KSR2: variants seen among roughly 807,000 people sequenced by gnomAD.
The protein encoded by KSR2 is kinase suppressor of ras 2.
A neutral mutation model predicts 107.8 loss-of-function variants in KSR2; 25 were observed. The observed-to-expected ratio is 0.23, with a 90% confidence interval of 0.17 to 0.32. The LOEUF is 0.32. Ranked by LOEUF, KSR2 falls within the 10% of genes least tolerant of loss-of-function variation. The probability of loss-of-function intolerance (pLI) is 1.00; values close to 1 mark genes in which losing one functional copy is unlikely to be tolerated. For missense variants in KSR2, 887 were observed against 1,268.9 expected, an observed-to-expected ratio of 0.70 and a Z score of 4.57; for synonymous variants, 480 against 507.0, an observed-to-expected ratio of 0.95 and a Z score of 0.71.
At chr12:117,787,958 A>G (rs1328411360) in intron 3 of KSR2, among the ~76,000 whole-genome samples, 1 of 152,228 alleles carries the variant, frequency 6.6e-6, no homozygotes, top group Non-Finnish European at 1.5e-5. Context: ...GGAAATAAGC[A>G]ATTTTAAAGA....
At chr12:117,663,880 C>T (rs16947853) in intron 5 of KSR2, among the ~76,000 whole-genome samples, 29,816 of 152,114 alleles carry the variant, frequency 0.2, 3,191 homozygotes, top group African/African-American at 0.25. Context: ...AGATGATCCA[C>T]TGGTGAAGAG....
At chr12:117,794,848 A>ACCTCT (rs1890565604) in intron 3 of KSR2, among the ~76,000 whole-genome samples, 1 of 151,432 alleles carries the variant, frequency 6.6e-6, no homozygotes, top group Admixed American at 6.6e-5. Flanking sequence ...CCTCGCTACG[A>ACCTCT]CCCATCACTC....
chr12:117,593,267 A>T (rs1343665183), intron 5 of KSR2, among the ~76,000 whole-genome samples: 1 of 152,244 alleles, frequency 6.6e-6, no homozygotes, highest in Non-Finnish European at 1.5e-5. Context: ...CCACACTGCC[A>T]TCACCACAAA....
chr12:117,785,320 C>T, intron 3 of KSR2, among the ~76,000 whole-genome samples: 1 of 139,480 alleles, frequency 7.2e-6, no homozygotes, highest in South Asian at 2.3e-4. Flanking sequence ...GAGGTTAAGA[C>T]AGGAGAATTG....
chr12:117,616,832 G>C (rs1363443160), intron 5 of KSR2, among the ~76,000 whole-genome samples: 1 of 152,042 alleles, frequency 6.6e-6, no homozygotes, highest in Non-Finnish European at 1.5e-5. Flanking sequence ...GAAATATCTG[G>C]CAATTCTTGG....
intron 1 of KSR2, among the ~76,000 whole-genome samples, chr12:117,951,208 G>T (rs1896356111): frequency 6.6e-6 from 1 of 152,078 alleles, no homozygotes; most frequent in Non-Finnish European, 1.5e-5. Flanking sequence ...GCGCCCGGCG[G>T]CAACCAGTGG....
At chr12:117,607,010 TG>T (rs1881314648) in intron 5 of KSR2, among the ~76,000 whole-genome samples, 2 of 152,248 alleles carry the variant, frequency 1.3e-5, no homozygotes, top group South Asian at 4.1e-4. Flanking sequence ...CTGGAGTCCC[TG>T]GGGAGTTCTG....
rs530471893 is a variant in KSR2, at chr12:117,868,745, A to G, written c.181-8314T>C. 1.2e-3 allele frequency among the ~76,000 whole-genome samples: 142 copies of G among 118,160 alleles called. 1 individual carries two copies. The highest frequency in any genetic ancestry group is 5.0e-3 in the Middle Eastern group (1 of 200). 77.5% of individuals were successfully genotyped at this position (118,160 alleles called of 152,430 possible). A position where few individuals can be genotyped will look rare whatever the true frequency, so the allele number is the denominator to read the frequency against. On this transcript the variant is annotated intron_variant, in intron 1 of 19. Transcript: ENST00000339824. ...TTAATTATTTAATAAATGCATGCATATATTTTCTTTTCTTTTTTTTTTTGA... is the reference window on the plus strand; with the variant it reads ...TTAATTATTTAATAAATGCATGCATGTATTTTCTTTTCTTTTTTTTTTTGA...
intron 3 of KSR2, among the ~76,000 whole-genome samples, chr12:117,830,597 T>C (rs1050641376): frequency 6.6e-6 from 1 of 152,136 alleles, no homozygotes; most frequent in African/African-American, 2.4e-5. Flanking sequence ...AGAGAAAGAA[T>C]ATACCATCTC....
At chr12:117,473,287 T>C (rs554909413) in intron 17 of KSR2, among the ~76,000 whole-genome samples, 2 of 152,198 alleles carry the variant, frequency 1.3e-5, no homozygotes, top group African/African-American at 4.8e-5. Flanking sequence ...GTTGGCCTCA[T>C]GCTGCCTGAA....
Position 117,555,298 on chromosome 12 carries a change from A to G in KSR2, c.1394-5T>C, listed in dbSNP as rs769230153. ...TCCGGACTAACCTTGCTGGATCCGTAGGGGTAAAAACATTGATTTGGGAGT... is the reference window on the plus strand; with the variant it reads ...TCCGGACTAACCTTGCTGGATCCGTGGGGGTAAAAACATTGATTTGGGAGT... On this transcript the variant is annotated splice_polypyrimidine_tract_variant and splice_region_variant and intron_variant, in intron 8 of 19. Coordinates refer to ENST00000339824, the MANE Select transcript of KSR2 (RefSeq NM_173598.6). 7 of 1,613,810 alleles carry G rather than the reference A, an allele frequency of 4.3e-6. No individual in the cohort carries two copies. In the African/African-American group the frequency reaches 6.7e-5, roughly 15 times the overall value.
intron 4 of KSR2, among the ~76,000 whole-genome samples, chr12:117,757,003 C>T (rs747971096): frequency 8.1e-5 from 12 of 149,052 alleles, no homozygotes; most frequent in Non-Finnish European, 7.4e-5. Context: ...TGCAGTGAGC[C>T]GAGATTGCTC....
chr12:117,511,880 C>T (rs1178628325), intron 14 of KSR2, among the ~76,000 whole-genome samples: 1 of 152,148 alleles, frequency 6.6e-6, no homozygotes, highest in Non-Finnish European at 1.5e-5. Context: ...CTCAGCGACC[C>T]CACACTGCCA....
intron 14 of KSR2, among the ~76,000 whole-genome samples, chr12:117,521,812 A>G (rs765543753): frequency 4.6e-5 from 7 of 152,196 alleles, no homozygotes; most frequent in African/African-American, 7.2e-5. Context: ...CTGCCAGCCA[A>G]TCGTGCGAAT....
At chr12:117,811,606 C>T (rs1017292551) in intron 3 of KSR2, among the ~76,000 whole-genome samples, 4 of 152,190 alleles carry the variant, frequency 2.6e-5, no homozygotes, top group Admixed American at 2.0e-4. Flanking sequence ...GCCTCCACTT[C>T]CCCTCCATAA....
At chr12:117,831,575 T>C (rs1891969907) in intron 3 of KSR2, among the ~76,000 whole-genome samples, 1 of 152,186 alleles carries the variant, frequency 6.6e-6, no homozygotes, top group East Asian at 1.9e-4. Flanking sequence ...TGAAATCATA[T>C]AGCGAAGACA....
At chr12:117,752,697 C>T (rs1368843423) in intron 4 of KSR2, among the ~76,000 whole-genome samples, 1 of 152,248 alleles carries the variant, frequency 6.6e-6, no homozygotes, top group East Asian at 1.9e-4. Flanking sequence ...TGAAAAATCA[C>T]CTTTAACAAG....
At chr12:117,509,920 T>C (rs1873925511) in intron 14 of KSR2, among the ~76,000 whole-genome samples, 1 of 152,230 alleles carries the variant, frequency 6.6e-6, no homozygotes, top group South Asian at 2.1e-4. Context: ...GCATACTTTC[T>C]ACTGCCATCA....
intron 1 of KSR2, among the ~76,000 whole-genome samples, chr12:117,911,363 A>G (rs560335439): frequency 1.3e-4 from 20 of 152,298 alleles, no homozygotes; most frequent in Non-Finnish European, 2.2e-4. Flanking sequence ...TGAGAAGAGC[A>G]TGTTCAGGCA....
Sources: gnomAD v4.1 joint callset for allele counts (sites outside exome capture counted in the v4.1 genomes callset) on GRCh38, gnomAD v4.1.1 for gene constraint, MANE v1.5 for transcripts, NCBI Gene and HGNC (gene_info 2026-07-23, HGNC 2026-07-21) for gene names.